The following COBL variants were observed in gnomAD, a reference collection of about 807,000 sequenced individuals.
The protein encoded by COBL is cordon-bleu WH2 repeat protein, also known as protein cordon-bleu.
A neutral mutation model predicts 98.8 loss-of-function variants in COBL; 51 were observed. The observed-to-expected ratio is 0.52, with a 90% CI of 0.41 to 0.65. COBL has a LOEUF of 0.65. COBL is among the 30% of genes least tolerant of loss of function. COBL has a pLI of 0.00. For missense variants in COBL, 1,617 were observed against 1,617.5 expected (o/e 1.00, Z 0.01); for synonymous variants, 634 against 651.7 (o/e 0.97, Z 0.41).
intron 4 of COBL, among the ~76,000 whole-genome samples, chr7:51,184,861 A>G (rs567948864): frequency 1.4e-4 from 21 of 152,334 alleles, no homozygotes; most frequent in African/African-American, 4.3e-4. Flanking sequence ...AATGAAATAA[A>G]TCAGCAGCTT....
At chr7:51,150,980 G>A (rs960649732) in intron 5 of COBL, among the ~76,000 whole-genome samples, 6 of 150,870 alleles carry the variant, frequency 4.0e-5, no homozygotes, top group East Asian at 1.9e-4. Flanking sequence ...CCCCCTCCCC[G>A]CCCCAAATCA....
chr7:51,105,464 G>C (rs889855390), intron 6 of COBL, among the ~76,000 whole-genome samples: 1 of 152,144 alleles, frequency 6.6e-6, no homozygotes, highest in Non-Finnish European at 1.5e-5. Flanking sequence ...AATTAAATGA[G>C]TTGGCTGGGT....
intron 7 of COBL, among the ~76,000 whole-genome samples, chr7:51,055,164 A>C (rs1237429511): frequency 6.6e-6 from 1 of 152,150 alleles, no homozygotes; most frequent in African/African-American, 2.4e-5. Context: ...ATCTTCCCGC[A>C]AGGGCGGCTC....
At chr7:51,169,669 C>A (rs1219097856) in intron 5 of COBL, among the ~76,000 whole-genome samples, 1 of 152,060 alleles carries the variant, frequency 6.6e-6, no homozygotes, top group Non-Finnish European at 1.5e-5. Flanking sequence ...AACTCATTGA[C>A]AGAGAGTAGA....
intron 5 of COBL, among the ~76,000 whole-genome samples, chr7:51,162,148 C>T (rs1786884137): frequency 6.6e-6 from 1 of 152,106 alleles, no homozygotes; most frequent in Admixed American, 6.5e-5. Flanking sequence ...TGTGGGATGA[C>T]GTTAACTGCA....
Position 51,136,253 on chromosome 7 carries a change from T to C in COBL, c.862A>G (p.Ile288Val). ...TCCGACTTCACGGACACCCCTGAGATGCTGCCCAGCGAGAGGGATGGACCC... is the reference window on the plus strand; with the variant it reads ...TCCGACTTCACGGACACCCCTGAGACGCTGCCCAGCGAGAGGGATGGACCC... ...TLGPSLSLGS[I>V]SGVSVKSEMK... The change falls in exon 6 of 13, where the codon ATC (isoleucine) becomes GTC (valine). Residue 288 changes from isoleucine (I) to valine (V), a missense_variant. This residue lies in a region of COBL where 1,304 missense variants were observed against 1,282.0 expected (regional missense o/e 1.02). Transcript: ENST00000265136. 6.2e-7 allele frequency: 1 copy of C among 1,613,994 alleles called. No homozygotes were observed. Among genetic ancestry groups the C allele is most frequent in the East Asian group, 2.2e-5 (1 of 44,876 alleles).
chr7:51,184,733 C>T (rs563047749), intron 4 of COBL, among the ~76,000 whole-genome samples: 22 of 151,944 alleles, frequency 1.4e-4, no homozygotes, highest in Admixed American at 1.1e-3. Flanking sequence ...AGTGTGGACT[C>T]GGTACATGCA....
At chr7:51,078,202 T>C (rs1051861350) in intron 7 of COBL, among the ~76,000 whole-genome samples, 20 of 152,200 alleles carry the variant, frequency 1.3e-4, no homozygotes, top group Non-Finnish European at 1.0e-4. Context: ...GGTCAGTGTA[T>C]TACTCAATTG....
intron 7 of COBL, among the ~76,000 whole-genome samples, chr7:51,055,587 G>A (rs943244947): frequency 6.6e-6 from 1 of 152,190 alleles, no homozygotes; most frequent in African/African-American, 2.4e-5. Context: ...AATAGAGATT[G>A]TCCAGACCCC....
intron 1 of COBL, among the ~76,000 whole-genome samples, chr7:51,252,311 T>C (rs1198414161): frequency 2.6e-5 from 4 of 152,226 alleles, no homozygotes; most frequent in African/African-American, 4.8e-5. Context: ...ACCACAATTT[T>C]AGACTCTTTT....
At chr7:51,133,812 A>T (rs1798971132) in intron 6 of COBL, among the ~76,000 whole-genome samples, 1 of 152,274 alleles carries the variant, frequency 6.6e-6, no homozygotes. Flanking sequence ...TGATCAAATT[A>T]TGAATACATA....
Position 51,192,669 on chromosome 7 carries a change from TAAAC to T in COBL, c.456+706_456+709del, listed in dbSNP as rs528233188. Reference sequence around the variant, plus strand: ...AGCTACTAGAATTAATTTTAATTAATAAACAAAAGCCTGGAATATAGCTATGTAT... The same window carrying T: ...AGCTACTAGAATTAATTTTAATTAATAAAAGCCTGGAATATAGCTATGTAT... On this transcript the variant is annotated intron_variant, in intron 3 of 12. Coordinates refer to ENST00000265136, the MANE Select transcript of COBL (RefSeq NM_015198.5). Among the ~76,000 whole-genome samples the T allele has an allele frequency of 5.4e-4, 82 of 152,350 alleles. 1 individual carries two copies. Among genetic ancestry groups the T allele is most frequent in the African/African-American group, 1.9e-3 (78 of 41,590 alleles).
chr7:51,184,524 C>A (rs889628791), intron 4 of COBL, among the ~76,000 whole-genome samples: 1 of 152,188 alleles, frequency 6.6e-6, no homozygotes, highest in Non-Finnish European at 1.5e-5. Context: ...CCAGACCACA[C>A]ATGTAATTTT....
At chr7:51,264,911 T>C (rs901611666) in intron 1 of COBL, among the ~76,000 whole-genome samples, 1 of 152,106 alleles carries the variant, frequency 6.6e-6, no homozygotes, top group African/African-American at 2.4e-5. Flanking sequence ...ATCCCATAAC[T>C]GTATGCCATT....
chr7:51,227,197 C>T (rs1225695069), intron 1 of COBL, among the ~76,000 whole-genome samples: 1 of 152,172 alleles, frequency 6.6e-6, no homozygotes, highest in Non-Finnish European at 1.5e-5. Flanking sequence ...GAGACGCCCC[C>T]TTTACTCTGA....
chr7:51,172,272 C>G (rs961633479), intron 5 of COBL, among the ~76,000 whole-genome samples: 3 of 152,182 alleles, frequency 2.0e-5, no homozygotes, highest in Admixed American at 2.0e-4. Flanking sequence ...TAAAATATTC[C>G]ACGTATTCCA....
chr7:51,162,835 T>C (rs1786955040), intron 5 of COBL, among the ~76,000 whole-genome samples: 2 of 152,254 alleles, frequency 1.3e-5, no homozygotes, highest in African/African-American at 4.8e-5. Context: ...TAAGCCTCTG[T>C]GCTCATCAGA....
chr7:51,272,081 C>T (rs1798810810), intron 1 of COBL, among the ~76,000 whole-genome samples: 1 of 152,026 alleles, frequency 6.6e-6, no homozygotes, highest in African/African-American at 2.4e-5. Flanking sequence ...TGGACATGGC[C>T]CTCTATCAAA....
At position 51,030,852 on chromosome 7, in the gene COBL, C is replaced by G; in HGVS notation, c.1464G>C (p.Glu488Asp). ...CAAGTTCTGCAAGGGTTTTACGGAA[C>G]TCTCCAGCAATTAATAGGTCTTCTT... ...NDEEDLLIAGEFRKTLAELDE... is the reference protein window; with the variant it reads ...NDEEDLLIAGDFRKTLAELDE... Residue 488 changes from glutamate (E) to aspartate (D), a missense_variant, in exon 9 of 13, where the codon GAG (glutamate) becomes GAC (aspartate). Coordinates refer to ENST00000265136, the MANE Select transcript of COBL (RefSeq NM_015198.5). The G allele has an allele frequency of 6.2e-7, 1 of 1,605,624 alleles. No individual in the cohort carries two copies. The highest frequency in any genetic ancestry group is 1.7e-5 in the Admixed American group (1 of 58,902).
Sources: allele counts gnomAD v4.1 joint callset (sites outside exome capture counted in the v4.1 genomes callset), GRCh38; gene constraint gnomAD v4.1.1; regional missense constraint gnomAD v4.1.1; transcripts MANE v1.5; gene names NCBI Gene and HGNC (gene_info 2026-07-23, HGNC 2026-07-21).